Variants in YAF2 observed in about 807,000 individuals in gnomAD.
YAF2 encodes YY1-associated factor 2.
Under a neutral mutation model 20.1 loss-of-function variants are expected in YAF2, and 7 were observed. That is an observed-to-expected ratio of 0.35 (90% CI 0.20 to 0.65). The LOEUF is 0.65. Ranked by LOEUF, YAF2 falls within the 30% of genes least tolerant of loss-of-function variation. YAF2 has a pLI of 0.69. For synonymous variants in YAF2, 74 were observed against 76.0 expected (o/e 0.97, Z 0.14); for missense variants, 151 against 219.2 (o/e 0.69, Z 1.96).
At chr12:42,196,968 G>T (rs2066769367) in intron 2 of YAF2, among the ~76,000 whole-genome samples, 1 of 152,118 alleles carries the variant, frequency 6.6e-6, no homozygotes. Context: ...TTTAAGGAGG[G>T]TATCAAGTAA....
At chr12:42,168,998 T>C (rs997773970) in intron 2 of YAF2, among the ~76,000 whole-genome samples, 6 of 152,120 alleles carry the variant, frequency 3.9e-5, no homozygotes, top group South Asian at 2.1e-4. Context: ...GTCTCTCCCA[T>C]CTAGAAGGAA....
intron 2 of YAF2, chr12:42,235,497 T>A: frequency 8.0e-7 from 1 of 1,254,640 alleles, no homozygotes; most frequent in Non-Finnish European, 1.0e-6. Flanking sequence ...ACTAGGAAAA[T>A]AACAGATAAC....
At chr12:42,178,867 G>A (rs2066265953) in intron 2 of YAF2, among the ~76,000 whole-genome samples, 1 of 151,962 alleles carries the variant, frequency 6.6e-6, no homozygotes, top group Non-Finnish European at 1.5e-5. Flanking sequence ...GCGACATATT[G>A]GAATCATCTG....
chr12:42,171,588 A>G (rs1358881943), intron 2 of YAF2, among the ~76,000 whole-genome samples: 1 of 152,216 alleles, frequency 6.6e-6, no homozygotes, highest in African/African-American at 2.4e-5. Flanking sequence ...GCACTTGCCT[A>G]TGATTCTTAC....
chr12:42,214,391 C>G (rs2067295239), intron 2 of YAF2, among the ~76,000 whole-genome samples: 1 of 152,182 alleles, frequency 6.6e-6, no homozygotes, highest in African/African-American at 2.4e-5. Flanking sequence ...CTTACCTCAG[C>G]CTTCCAAGTA....
rs181773427 is a variant in YAF2, at chr12:42,173,163, G to A, written c.153-11398C>T. ...ACTGCAGTGCAATGGCACAGTCATA[G>A]ACACTGCAGCCTCAAACTCCTGGGC... is the stretch of plus-strand genomic sequence containing the variant. On this transcript the variant is annotated intron_variant, in intron 2 of 3. Coordinates refer to ENST00000534854, the MANE Select transcript of YAF2 (RefSeq NM_005748.6). Among the ~76,000 whole-genome samples the A allele has an allele frequency of 3.4e-3, 516 of 152,324 alleles. 7 individuals carry two copies. The highest frequency in any genetic ancestry group is 0.01 in the South Asian group (49 of 4,832).
chr12:42,224,276 T>C (rs2067615146), intron 2 of YAF2, among the ~76,000 whole-genome samples: 1 of 152,222 alleles, frequency 6.6e-6, no homozygotes, highest in African/African-American at 2.4e-5. Flanking sequence ...CCAGTAAGCA[T>C]GTATTTATAA....
rs2066636030 is a variant in YAF2, at chr12:42,192,363, G to C, written c.153-30598C>G. Among the ~76,000 whole-genome samples, 3 of 151,946 alleles carry C rather than the reference G, an allele frequency of 2.0e-5. No homozygotes were observed. In the South Asian group the frequency reaches 6.2e-4, roughly 32 times the overall value. On this transcript the variant is annotated intron_variant, in intron 2 of 3. Transcript: ENST00000534854. The stretch of plus-strand genomic sequence containing the variant: ...TCTCCACACACACACACAAAAATTA[G>C]TTGGGCATGGTGGCACACACCTGTG...
chr12:42,163,733 G>A (rs2065849162), intron 2 of YAF2, among the ~76,000 whole-genome samples: 3 of 152,152 alleles, frequency 2.0e-5, no homozygotes, highest in Non-Finnish European at 4.4e-5. Context: ...AATGTATATA[G>A]TTCAATTATT....
rs1470889816 is a variant in YAF2, at chr12:42,234,940, A to G, written c.152+2659T>C. 5 of 940,566 alleles carry G rather than the reference A, an allele frequency of 5.3e-6. No homozygotes were observed. The African/African-American group carries it at 8.9e-5, about 17-fold the overall frequency. The allele number at this position is 940,566 out of a possible 1,614,324, so 58.3% of individuals were successfully genotyped here. A position where few individuals can be genotyped will look rare whatever the true frequency, so the allele number is the denominator to read the frequency against. On this transcript the variant is annotated intron_variant, in intron 2 of 3. Coordinates refer to ENST00000534854, the MANE Select transcript of YAF2 (RefSeq NM_005748.6). ...GAGTTCGAGGCTGCAGTGAGCCTGG[A>G]TGATGCCACTGCAACCCAGCCTGGG...
intron 2 of YAF2, among the ~76,000 whole-genome samples, chr12:42,163,315 G>T (rs2065840555): frequency 6.6e-6 from 1 of 152,126 alleles, no homozygotes; most frequent in African/African-American, 2.4e-5. Flanking sequence ...TAAGCAGTCT[G>T]ATTTTATCCT....
intron 2 of YAF2, chr12:42,233,307 T>C: frequency 1.0e-6 from 1 of 985,378 alleles, no homozygotes; most frequent in Non-Finnish European, 1.2e-6. Context: ...GTATGAACCA[T>C]TTAGACCACA....
At chr12:42,211,499 G>A (rs1419464019) in intron 2 of YAF2, among the ~76,000 whole-genome samples, 1 of 151,102 alleles carries the variant, frequency 6.6e-6, no homozygotes, top group African/African-American at 2.4e-5. Context: ...CACTTTTGGA[G>A]GCCAAGGCAG....
intron 2 of YAF2, among the ~76,000 whole-genome samples, chr12:42,196,006 G>C (rs996613504): frequency 3.3e-5 from 5 of 151,946 alleles, no homozygotes; most frequent in Non-Finnish European, 5.9e-5. Flanking sequence ...TGGATCACCT[G>C]AGGTCAGGAG....
intron 2 of YAF2, among the ~76,000 whole-genome samples, chr12:42,178,582 A>G (rs1247737329): frequency 6.6e-6 from 1 of 152,152 alleles, no homozygotes; most frequent in African/African-American, 2.4e-5. Flanking sequence ...ATATATAACT[A>G]TATCATCAAA....
At chr12:42,185,921 C>T (rs73131138) in intron 2 of YAF2, among the ~76,000 whole-genome samples, 9,514 of 152,072 alleles carry the variant, frequency 0.063, 490 homozygotes, top group East Asian at 0.15. Flanking sequence ...CAGGCTGGGC[C>T]GGGCACAGTG....
At chr12:42,192,922 C>T (rs966673204) in intron 2 of YAF2, among the ~76,000 whole-genome samples, 1 of 152,218 alleles carries the variant, frequency 6.6e-6, no homozygotes, top group Non-Finnish European at 1.5e-5. Context: ...AAATACTTAT[C>T]ACCTAGTGAA....
chr12:42,212,828 C>T (rs2067250372), intron 2 of YAF2, among the ~76,000 whole-genome samples: 1 of 152,156 alleles, frequency 6.6e-6, no homozygotes, highest in South Asian at 2.1e-4. Context: ...TAAATCCATT[C>T]ACTTTTAAAT....
At chr12:42,177,006 C>T (rs1190718469) in intron 2 of YAF2, among the ~76,000 whole-genome samples, 1 of 152,150 alleles carries the variant, frequency 6.6e-6, no homozygotes, top group Admixed American at 6.5e-5. Context: ...TGTTCTGCTA[C>T]AGGCCATTCT....
Sources: gnomAD v4.1 joint callset for allele counts (sites outside exome capture counted in the v4.1 genomes callset) on GRCh38, gnomAD v4.1.1 for gene constraint, MANE v1.5 for transcripts, NCBI Gene and HGNC (gene_info 2026-07-23, HGNC 2026-07-21) for gene names.